Variants in SUFU observed in about 807,000 individuals in gnomAD.
SUFU encodes the protein suppressor of fused homolog.
SUFU carries 7 observed loss-of-function variants against 58.9 expected under a neutral mutation model. The observed-to-expected ratio is 0.12, with a 90% CI of 0.07 to 0.22. The LOEUF is 0.22. Among genes scored for constraint, SUFU ranks in the 10% least tolerant of loss-of-function variants. The probability of loss-of-function intolerance (pLI) is 1.00; values close to 1 mark genes in which losing one functional copy is unlikely to be tolerated. For missense variants in SUFU, 451 were observed against 641.3 expected, an observed-to-expected ratio of 0.70 and a Z score of 3.20; for synonymous variants, 232 against 254.8, an observed-to-expected ratio of 0.91 and a Z score of 0.85.
At chr10:102,537,364 C>T (rs751311305) in intron 2 of SUFU, among the ~76,000 whole-genome samples, 6 of 151,986 alleles carry the variant, frequency 3.9e-5, no homozygotes, top group Admixed American at 2.0e-4. Flanking sequence ...CTCCTGGGCT[C>T]AAGCAGTCCT....
chr10:102,592,280 C>T (rs1038396016), intron 3 of SUFU, among the ~76,000 whole-genome samples: 7 of 152,150 alleles, frequency 4.6e-5, no homozygotes, highest in Non-Finnish European at 7.4e-5. Flanking sequence ...CACCATGAGT[C>T]GGGATATTGG....
intron 2 of SUFU, among the ~76,000 whole-genome samples, chr10:102,541,512 C>T (rs1217829941): frequency 6.6e-6 from 1 of 151,510 alleles, no homozygotes; most frequent in African/African-American, 2.4e-5. Context: ...GATTCCCCTG[C>T]CTCAGCCTCC....
intron 3 of SUFU, among the ~76,000 whole-genome samples, chr10:102,581,394 A>G (rs1207529157): frequency 2.0e-5 from 3 of 152,084 alleles, no homozygotes; most frequent in Admixed American, 6.6e-5. Context: ...TGTTCAACAA[A>G]AACTCCAGAT....
intron 2 of SUFU, among the ~76,000 whole-genome samples, chr10:102,542,826 T>C (rs2062817812): frequency 6.6e-6 from 1 of 152,136 alleles, no homozygotes; most frequent in South Asian, 2.1e-4. Context: ...GGCTTCGCCA[T>C]GTTGCCCAGC....
Position 102,508,119 on chromosome 10 carries a change from C to T in SUFU, c.183-1050C>T, listed in dbSNP as rs528414185. 3.3e-5 allele frequency among the ~76,000 whole-genome samples: 5 copies of T among 152,070 alleles called. No individual in the cohort carries two copies. The South Asian group carries it at 8.3e-4, about 25-fold the overall frequency. On this transcript the variant is annotated intron_variant, in intron 1 of 11. Transcript: ENST00000369902. ...TAGCAAATAGCTGGGATTACAGGCA[C>T]CTGCCACCACACCTGGCTAATTTTT...
intron 3 of SUFU, among the ~76,000 whole-genome samples, chr10:102,550,710 C>T (rs1278077109): frequency 6.6e-6 from 1 of 150,492 alleles, no homozygotes; most frequent in African/African-American, 2.4e-5. Flanking sequence ...TTTGGAGAAC[C>T]ATAGATCTGG....
At chr10:102,563,210 C>T (rs532786959) in intron 3 of SUFU, among the ~76,000 whole-genome samples, 6 of 152,220 alleles carry the variant, frequency 3.9e-5, no homozygotes, top group Admixed American at 2.0e-4. Context: ...TAAGTGCCTG[C>T]GACATACCAG....
chr10:102,504,033 C>A lies in SUFU; in HGVS notation c.-120C>A. On this transcript the variant is annotated 5_prime_UTR_variant, in exon 1 of 12. Coordinates refer to ENST00000369902, the MANE Select transcript of SUFU (RefSeq NM_016169.4). ...GCCGTGCGCAGGCGCGGAGCTAGAC[C>A]TCGCTGCAGCCCCCATCGCCTCGGG... 1 of 1,354,254 alleles carries A rather than the reference C, an allele frequency of 7.4e-7. No individual in the cohort carries two copies. Among genetic ancestry groups the A allele is most frequent in the South Asian group, 1.5e-5 (1 of 65,124 alleles). The allele number at this position is 1,354,254 out of a possible 1,614,324, so 83.9% of individuals were successfully genotyped here.
chr10:102,610,557 C>T (rs867506844), intron 8 of SUFU, among the ~76,000 whole-genome samples: 37 of 152,108 alleles, frequency 2.4e-4, no homozygotes, highest in Middle Eastern at 3.4e-3. Flanking sequence ...GGGTGAGGGC[C>T]GTGGCGATGG....
intron 3 of SUFU, among the ~76,000 whole-genome samples, chr10:102,575,563 T>C (rs1034553235): frequency 5.3e-5 from 8 of 152,192 alleles, no homozygotes; most frequent in African/African-American, 1.7e-4. Context: ...CATTAACTTA[T>C]TAATCTATAT....
chr10:102,541,721 T>TTTC (rs1554845591), intron 2 of SUFU, among the ~76,000 whole-genome samples: 11 of 135,458 alleles, frequency 8.1e-5, no homozygotes, highest in Non-Finnish European at 1.7e-4. Context: ...TTTTTTTTTT[T>TTTC]CCTTTTGAGA....
chr10:102,602,045 G>A (rs1008046101), intron 8 of SUFU, among the ~76,000 whole-genome samples: 1 of 152,170 alleles, frequency 6.6e-6, no homozygotes, highest in Admixed American at 6.5e-5. Flanking sequence ...CCTACTTGGG[G>A]GTGTCAAGCA....
chr10:102,515,570 C>T (rs978134834), intron 2 of SUFU, among the ~76,000 whole-genome samples: 2 of 152,154 alleles, frequency 1.3e-5, no homozygotes, highest in South Asian at 2.1e-4. Context: ...CCCACCTCAG[C>T]CTCCCAAAGT....
intron 3 of SUFU, among the ~76,000 whole-genome samples, chr10:102,580,152 A>G (rs531401907): frequency 7.6e-4 from 116 of 151,770 alleles, no homozygotes; most frequent in African/African-American, 2.6e-3. Flanking sequence ...GCAGTCAGCC[A>G]TGTTCCTGGG....
In SUFU at chr10:102,629,504, C is replaced by G. The variant is rs2063818360; in HGVS notation, c.1366-562C>G. Among the ~76,000 whole-genome samples the G allele has an allele frequency of 6.6e-6, 1 of 152,228 alleles. No homozygotes were observed. The highest frequency in any genetic ancestry group is 2.4e-5 in the African/African-American group (1 of 41,442). ...CTCAGGCCCAAGGGATCACCTCAAACCACACTTGTCCCACTCTTCTGCTCC... is the reference window on the plus strand; with the variant it reads ...CTCAGGCCCAAGGGATCACCTCAAAGCACACTTGTCCCACTCTTCTGCTCC... On this transcript the variant is annotated intron_variant, in intron 11 of 11. Coordinates refer to ENST00000369902, the MANE Select transcript of SUFU (RefSeq NM_016169.4). The surrounding 1 kb of genome is among the most constrained non-coding windows in gnomAD (Gnocchi z 4.7).
chr10:102,515,161 C>G (rs1420908397), intron 2 of SUFU, among the ~76,000 whole-genome samples: 2 of 152,176 alleles, frequency 1.3e-5, no homozygotes, highest in East Asian at 3.9e-4. Context: ...CTCCCTTTCC[C>G]TTGTGTTCTT....
In SUFU at chr10:102,592,645, G is replaced by T. The variant is rs587778697; in HGVS notation, c.518G>T (p.Arg173Ile). ...AGCCCTTTGGATAACAGTGAGTCAA[G>T]AATTCAGCACATGCTGCTGACAGAG... is the stretch of plus-strand genomic sequence containing the variant. Reference protein sequence around the residue: ...WHSPLDNSESRIQHMLLTEDP... With the variant: ...WHSPLDNSESIIQHMLLTEDP... Residue 173 changes from arginine (R) to isoleucine (I), a missense_variant, in exon 4 of 12, where the codon AGA (arginine) becomes ATA (isoleucine). Arg to Ile is a moderately conservative substitution (Grantham distance 97). Transcript: ENST00000369902. 2.5e-6 allele frequency: 4 copies of T among 1,614,176 alleles called. No individual in the cohort carries two copies. Among genetic ancestry groups the T allele is most frequent in the Non-Finnish European group, 3.4e-6 (4 of 1,180,032 alleles).
intron 3 of SUFU, among the ~76,000 whole-genome samples, chr10:102,550,864 C>T (rs2062905900): frequency 6.6e-6 from 1 of 151,912 alleles, no homozygotes; most frequent in African/African-American, 2.4e-5. Flanking sequence ...GCCTCAGCCT[C>T]CTGTGTAGCT....
chr10:102,581,269 C>T (rs2063277133), intron 3 of SUFU, among the ~76,000 whole-genome samples: 1 of 150,590 alleles, frequency 6.6e-6, no homozygotes, highest in African/African-American at 2.4e-5. Flanking sequence ...CAGAGAGATC[C>T]AGTGGGGGCA....
Sources: allele counts gnomAD v4.1 joint callset (sites outside exome capture counted in the v4.1 genomes callset), GRCh38; gene constraint gnomAD v4.1.1; non-coding constraint Gnocchi (gnomAD v3.1); transcripts MANE v1.5; gene names NCBI Gene and HGNC (gene_info 2026-07-23, HGNC 2026-07-21).